PIK3C2B: variants seen among roughly 807,000 people sequenced by gnomAD.
PIK3C2B encodes the protein phosphatidylinositol-4-phosphate 3-kinase catalytic subunit type 2 beta, also known as phosphatidylinositol 4-phosphate 3-kinase C2 domain-containing subunit beta.
PIK3C2B carries 83 observed loss-of-function variants against 184.3 expected under a neutral mutation model. The ratio of observed to expected loss-of-function variants is 0.45; its 90% CI spans 0.38 to 0.54. PIK3C2B has a LOEUF of 0.54. Ranked by LOEUF, PIK3C2B falls within the 20% of genes least tolerant of loss-of-function variation. The probability of loss-of-function intolerance (pLI) is 0.00; values close to 1 mark genes in which losing one functional copy is unlikely to be tolerated. For synonymous variants in PIK3C2B, 779 were observed against 837.6 expected, an observed-to-expected ratio of 0.93 and a Z score of 1.21; for missense variants, 1,736 against 2,113.5, an observed-to-expected ratio of 0.82 and a Z score of 3.50.
At chr1:204,429,004 G>A (rs970903902) in intron 29 of PIK3C2B, 13 of 434,650 alleles carry the variant, frequency 3.0e-5, no homozygotes, top group East Asian at 7.2e-5. Flanking sequence ...CCAGAGGATC[G>A]CTTGAGCTCA....
chr1:204,462,115 T>A (rs1289520842), intron 5 of PIK3C2B, among the ~76,000 whole-genome samples: 2 of 152,102 alleles, frequency 1.3e-5, no homozygotes, highest in African/African-American at 4.8e-5. Flanking sequence ...TGATCTTCTC[T>A]GTGGAAGGCC....
intron 21 of PIK3C2B, 30 bp from the exon 22 acceptor site, chr1:204,440,351 A>T: frequency 6.5e-7 from 1 of 1,548,624 alleles, no homozygotes; most frequent in Non-Finnish European, 8.7e-7. Flanking sequence ...GACCAGATCT[A>T]ATCTCCACTA....
At chr1:204,445,734 T>C (rs1653799834) in intron 16 of PIK3C2B, among the ~76,000 whole-genome samples, 1 of 152,170 alleles carries the variant, frequency 6.6e-6, no homozygotes, top group Non-Finnish European at 1.5e-5. Flanking sequence ...CACATGGGTA[T>C]TCACTGTACA....
At position 204,433,261 on chromosome 1, in the gene PIK3C2B, A is replaced by G; in HGVS notation, c.3953+55T>C. On this transcript the variant is annotated intron_variant, in intron 26 of 32. Coordinates refer to ENST00000684373, the MANE Select transcript of PIK3C2B (RefSeq NM_001377334.1). This position sits in a 1 kb window ranked among gnomAD's most constrained non-coding sequence, Gnocchi z 5.0. The stretch of plus-strand genomic sequence containing the variant: ...CCAGTCCTCCTCCTGCCAATCCGGC[A>G]GGCTGGGAATTACTCAGGGTGGGCA... The G allele has an allele frequency of 1.0e-6, 1 of 957,010 alleles. No individual in the cohort carries two copies. The highest frequency in any genetic ancestry group is 1.4e-5 in the South Asian group (1 of 73,448). The allele number at this position is 957,010 out of a possible 1,614,324, so 59.3% of individuals were successfully genotyped here. A position where few individuals can be genotyped will look rare whatever the true frequency, so the allele number is the denominator to read the frequency against.
chr1:204,476,856 C>T (rs1656750748), intron 1 of PIK3C2B, among the ~76,000 whole-genome samples: 2 of 152,198 alleles, frequency 1.3e-5, no homozygotes, highest in Non-Finnish European at 2.9e-5. Context: ...GTTCAGGCTG[C>T]GTTCTCTCCT....
chr1:204,433,329 T>C lies in PIK3C2B; in HGVS notation c.3940A>G (p.Thr1314Ala), dbSNP rs1572287783. 3.2e-6 allele frequency: 5 copies of C among 1,569,574 alleles called. No homozygotes were observed. The highest frequency in any genetic ancestry group is 4.4e-6 in the Non-Finnish European group (5 of 1,139,740). The part of the protein sequence containing the change: ...RPQDTEANAT[T>A]YFTRLIESSL... ...GAATCATTTTACCTAGTGAAGTAGG[T>C]AGTGGCATTGGCCTCTGTATCCTGA... The change falls in exon 26 of 33, where the codon ACC becomes GCC. Residue 1314 changes from threonine to alanine, a missense_variant. Coordinates refer to ENST00000684373, the MANE Select transcript of PIK3C2B (RefSeq NM_001377334.1). This position sits in a 1 kb window ranked among gnomAD's most constrained non-coding sequence, Gnocchi z 5.0.
chr1:204,432,377 A>G lies in PIK3C2B; in HGVS notation c.3978T>C (p.Ser1326=). 1 of 1,614,140 alleles carries G rather than the reference A, an allele frequency of 6.2e-7. No homozygotes were observed. Among genetic ancestry groups the G allele is most frequent in the Non-Finnish European group, 8.5e-7 (1 of 1,180,022 alleles). ...TGAAAAAATTGAGCTTTGTGGCTAC[A>G]CTGCCCAGGCTGGACTCAATCAACC... ...FTRLIESSLG[S]VATKLNFFIH... Residue 1326 remains serine (S), a synonymous_variant, in exon 27 of 33, where the codon AGT becomes AGC. Transcript: ENST00000684373.
rs1675178140 is a variant in PIK3C2B, at chr1:204,433,445, GAA to G, written c.3844-22_3844-21del. On this transcript the variant is annotated intron_variant, in intron 25 of 32. Transcript: ENST00000684373. The surrounding 1 kb of genome is among the most constrained non-coding windows in gnomAD (Gnocchi z 5.0). ...CAACATCTAGAAGGAGCAGAAAGAA[GAA>G]GAGAGGGTGCCTGTAACAACAGAGA... 27 of 1,418,612 alleles carry G rather than the reference GAA, an allele frequency of 1.9e-5. No individual in the cohort carries two copies. Among genetic ancestry groups the G allele is most frequent in the Non-Finnish European group, 2.6e-5 (26 of 1,003,358 alleles). 87.9% of individuals were successfully genotyped at this position (1,418,612 alleles called of 1,614,324 possible).
intron 16 of PIK3C2B, among the ~76,000 whole-genome samples, chr1:204,444,850 G>A (rs557467472): frequency 6.6e-6 from 1 of 152,268 alleles, no homozygotes; most frequent in East Asian, 1.9e-4. Flanking sequence ...GAAAATCACA[G>A]TATTTTATAT....
intron 1 of PIK3C2B, among the ~76,000 whole-genome samples, chr1:204,487,821 A>C (rs1294926636): frequency 6.6e-6 from 1 of 152,126 alleles, no homozygotes; most frequent in East Asian, 1.9e-4. Context: ...ACCCCACTCC[A>C]TGAAGAAACT....
intron 1 of PIK3C2B, among the ~76,000 whole-genome samples, chr1:204,483,378 G>A (rs1168571715): frequency 1.9e-5 from 2 of 102,676 alleles, no homozygotes; most frequent in Non-Finnish European, 4.2e-5. Flanking sequence ...GGGTGACAGA[G>A]AACCCTGACT....
At chr1:204,448,434 G>T (rs1226237944) in intron 14 of PIK3C2B, among the ~76,000 whole-genome samples, 1 of 152,076 alleles carries the variant, frequency 6.6e-6, no homozygotes, top group African/African-American at 2.4e-5. Context: ...ATCCTAACAT[G>T]TGCCAGGCAT....
chr1:204,455,436 T>A (rs959826342), intron 11 of PIK3C2B, among the ~76,000 whole-genome samples: 1 of 151,820 alleles, frequency 6.6e-6, no homozygotes, highest in East Asian at 1.9e-4. Flanking sequence ...CAAAAGAACA[T>A]CCTCCTCCAC....
At chr1:204,461,543 G>C (rs559807360) in intron 5 of PIK3C2B, among the ~76,000 whole-genome samples, 3 of 152,212 alleles carry the variant, frequency 2.0e-5, no homozygotes, top group Admixed American at 6.5e-5. Flanking sequence ...AAATGGAGAG[G>C]AGAGGACAGG....
intron 1 of PIK3C2B, among the ~76,000 whole-genome samples, chr1:204,481,268 CTTTTTTT>C (rs59090154): frequency 8.4e-6 from 1 of 118,770 alleles, no homozygotes; most frequent in African/African-American, 3.3e-5. Context: ...AGGTCACATT[CTTTTTTT>C]TTTTTTTTTT....
At chr1:204,467,207 T>G (rs1313235336) in intron 2 of PIK3C2B, 2 of 293,888 alleles carry the variant, frequency 6.8e-6, no homozygotes, top group African/African-American at 4.4e-5. Context: ...CCTACCAGGG[T>G]GCCCTGACTC....
intron 29 of PIK3C2B, among the ~76,000 whole-genome samples, chr1:204,428,734 C>T (rs1329879548): frequency 7.2e-5 from 11 of 152,206 alleles, no homozygotes; most frequent in South Asian, 4.1e-4. Flanking sequence ...CCACCTGCCT[C>T]GGCCTCCCAA....
At chr1:204,441,333 TCACCTGATCA>T in intron 21 of PIK3C2B, 128 bp downstream of exon 21, 2 of 580,696 alleles carry the variant, frequency 3.4e-6, no homozygotes, top group South Asian at 2.2e-5. Context: ...AAATCCTTTT[TCACCTGATCA>T]TCTTTCCTAC....
At chr1:204,452,493 G>A (rs182897444) in intron 12 of PIK3C2B, among the ~76,000 whole-genome samples, 27 of 150,942 alleles carry the variant, frequency 1.8e-4, no homozygotes, top group African/African-American at 6.6e-4. Context: ...GCCCAGGCTG[G>A]CACCCCTTCT....
Sources: allele counts gnomAD v4.1 joint callset (sites outside exome capture counted in the v4.1 genomes callset), GRCh38; gene constraint gnomAD v4.1.1; non-coding constraint Gnocchi (gnomAD v3.1); transcripts MANE v1.5; gene names NCBI Gene and HGNC (gene_info 2026-07-23, HGNC 2026-07-21).